NBPF11: variants seen among roughly 807,000 people sequenced by gnomAD.
NBPF11 encodes the protein NBPF member 11.
Under a neutral mutation model 93.9 loss-of-function variants are expected in NBPF11, and 72 were observed. The observed-to-expected ratio is 0.77, with a 90% CI of 0.63 to 0.93. The LOEUF is 0.93. Ranked by LOEUF, NBPF11 falls within the 40% of genes least tolerant of loss-of-function variation. The pLI is 0.00. For missense variants in NBPF11, 705 were observed against 802.2 expected (o/e 0.88, Z 1.46); for synonymous variants, 224 against 304.9 (o/e 0.73, Z 2.76).
At chr1:148,144,436 G>GTTCA (rs1378070242) in intron 1 of NBPF11, among the ~76,000 whole-genome samples, 50 of 151,490 alleles carry the variant, frequency 3.3e-4, no homozygotes, top group Non-Finnish European at 7.1e-4. Flanking sequence ...GTATTAGTAT[G>GTTCA]TTCATTCATT....
intron 18 of NBPF11, among the ~76,000 whole-genome samples, chr1:148,108,157 T>C (rs1233435880): frequency 6.7e-6 from 1 of 148,900 alleles, no homozygotes; most frequent in Non-Finnish European, 1.5e-5. Flanking sequence ...GAAAGTAGAG[T>C]GAAGGATGAA....
At position 148,133,587 on chromosome 1, in the gene NBPF11, C is replaced by A. The variant is rs2746836; in HGVS notation, c.-36+2085G>T. 1.7e-4 allele frequency among the ~76,000 whole-genome samples: 26 copies of A among 152,098 alleles called. No individual in the cohort carries two copies. In the East Asian group the frequency reaches 4.8e-3, roughly 28 times the overall value. On this transcript the variant is annotated intron_variant, in intron 4 of 23. Coordinates refer to ENST00000682118, the MANE Select transcript of NBPF11 (RefSeq NM_001385469.3). ...CAAATGCTTTTACTGTGTATGACCA[C>A]GTAATCATACGAGTTTTCTCTTTTG...
chr1:148,108,369 T>A (rs1553267738), intron 18 of NBPF11, 113 bp downstream of exon 18: 1 of 743,380 alleles, frequency 1.3e-6, no homozygotes, highest in African/African-American at 1.7e-5. Flanking sequence ...TGCCTATAGG[T>A]CCTCCCTGTG....
chr1:148,147,604 C>T (rs1216706320), intron 1 of NBPF11, among the ~76,000 whole-genome samples: 5 of 152,030 alleles, frequency 3.3e-5, no homozygotes, highest in East Asian at 1.9e-4. Context: ...GGGCCTGTCT[C>T]GTCCTGGCCC....
At chr1:148,122,826 G>C (rs1668186472) in intron 7 of NBPF11, 25 bp from the exon 8 acceptor site, 2 of 1,609,266 alleles carry the variant, frequency 1.2e-6, no homozygotes, top group South Asian at 1.1e-5. Flanking sequence ...TGTTCGTTCA[G>C]ATATTTCCCA....
Position 148,103,687 on chromosome 1 carries a change from T to A in NBPF11, c.*209A>T. ...GGGCTGCTTATTGTGGGAATATGACTCCCATCTGGAAGACCAGGTGGAGAC... is the reference window on the plus strand; with the variant it reads ...GGGCTGCTTATTGTGGGAATATGACACCCATCTGGAAGACCAGGTGGAGAC... On this transcript the variant is annotated 3_prime_UTR_variant, in exon 24 of 24. Transcript: ENST00000682118. 2 of 1,611,228 alleles carry A rather than the reference T, an allele frequency of 1.2e-6. No homozygotes were observed.
intron 2 of NBPF11, 120 bp downstream of exon 2, chr1:148,143,291 CTGTT>C (rs1425107382): frequency 3.8e-6 from 2 of 531,260 alleles, no homozygotes; most frequent in African/African-American, 2.1e-5. Flanking sequence ...TATTTAATAT[CTGTT>C]TGATGCCAGG....
intron 10 of NBPF11, among the ~76,000 whole-genome samples, chr1:148,119,112 G>A (rs12116739): frequency 2.4e-4 from 34 of 142,700 alleles, no homozygotes; most frequent in African/African-American, 9.4e-4. Context: ...AGGCCCCTAG[G>A]ACTATGGGAC....
intron 12 of NBPF11, among the ~76,000 whole-genome samples, chr1:148,116,777 A>C (rs1427930423): frequency 1.3e-5 from 2 of 149,680 alleles, no homozygotes; most frequent in East Asian, 4.1e-4. Flanking sequence ...TTTGCTTCCC[A>C]TATCACTGGA....
At chr1:148,116,658 A>C (rs1393817340) in intron 12 of NBPF11, 123 bp from the exon 13 acceptor site, 6 of 591,296 alleles carry the variant, frequency 1.0e-5, no homozygotes, top group Non-Finnish European at 1.8e-5. Context: ...GAAAACTCTC[A>C]TGTTTTATCT....
intron 1 of NBPF11, among the ~76,000 whole-genome samples, chr1:148,148,278 C>A (rs1456765362): frequency 1.3e-5 from 2 of 151,618 alleles, no homozygotes; most frequent in Non-Finnish European, 1.5e-5. Flanking sequence ...GCAGAGGGGA[C>A]GCACACCTGC....
chr1:148,124,377 G>GAC (rs1192263403), intron 6 of NBPF11, among the ~76,000 whole-genome samples: 1 of 150,232 alleles, frequency 6.7e-6, no homozygotes, highest in Non-Finnish European at 1.5e-5. Context: ...TCTGGCCATG[G>GAC]ACATTTCCAT....
chr1:148,138,565 C>G (rs1388596976), intron 2 of NBPF11, among the ~76,000 whole-genome samples: 1 of 151,736 alleles, frequency 6.6e-6, no homozygotes, highest in East Asian at 1.9e-4. Flanking sequence ...TGACTCTTAA[C>G]AAGCATGCTG....
intron 10 of NBPF11, among the ~76,000 whole-genome samples, chr1:148,119,918 G>A (rs1667440367): frequency 6.6e-6 from 1 of 152,078 alleles, no homozygotes; most frequent in Non-Finnish European, 1.5e-5. Flanking sequence ...CCTCCCAAAG[G>A]GCTGGGATTA....
chr1:148,120,595 C>G lies in NBPF11; in HGVS notation c.894G>C (p.Gln298His). 1.3e-6 allele frequency: 2 copies of G among 1,491,036 alleles called. No individual in the cohort carries two copies. Among genetic ancestry groups the G allele is most frequent in the Admixed American group, 1.7e-5 (1 of 59,812 alleles). 92.4% of individuals were successfully genotyped at this position (1,491,036 alleles called of 1,614,324 possible). The change falls in exon 10 of 24, where the codon CAG (glutamine) becomes CAC (histidine). Residue 298 changes from glutamine (Q) to histidine (H), a missense_variant. Physicochemically the swap from Gln to His is conservative, Grantham distance 24. This residue lies in a region of NBPF11 where 262 missense variants were observed against 223.1 expected (regional missense o/e 1.17). Coordinates refer to ENST00000682118, the MANE Select transcript of NBPF11 (RefSeq NM_001385469.3). Reference sequence around the variant, plus strand: ...TGAACTGCTGTTTCTTCTCTGCCAGCTGGGGGCACAATTTCTCATTGATTT... The same window carrying G: ...TGAACTGCTGTTTCTTCTCTGCCAGGTGGGGGCACAATTTCTCATTGATTT... ...ILEINEKLCP[Q>H]LAEKKQQFRS...
intron 14 of NBPF11, among the ~76,000 whole-genome samples, chr1:148,115,522 T>A (rs4098216): frequency 6.6e-6 from 1 of 151,516 alleles, no homozygotes; most frequent in African/African-American, 2.4e-5. Flanking sequence ...TGAATCGAAG[T>A]TAGGAGGCCT....
intron 5 of NBPF11, among the ~76,000 whole-genome samples, chr1:148,126,150 G>T (rs1472917507): frequency 3.3e-5 from 5 of 151,624 alleles, no homozygotes; most frequent in East Asian, 1.9e-4. Flanking sequence ...ACAGTTGCCC[G>T]CCACGACGCC....
chr1:148,129,681 A>T (rs1270258715), intron 4 of NBPF11: 3 of 179,288 alleles, frequency 1.7e-5, no homozygotes, highest in African/African-American at 7.2e-5. Context: ...CTGGGGGGCC[A>T]GAAATATACT....
chr1:148,138,386 A>C (rs1671677361), intron 2 of NBPF11, among the ~76,000 whole-genome samples: 1 of 151,436 alleles, frequency 6.6e-6, no homozygotes, highest in Admixed American at 6.6e-5. Context: ...CAGACCCTTT[A>C]CGGGTGTCGG....
Sources: allele counts gnomAD v4.1 joint callset (sites outside exome capture counted in the v4.1 genomes callset), GRCh38; gene constraint gnomAD v4.1.1; regional missense constraint gnomAD v4.1.1; transcripts MANE v1.5; gene names NCBI Gene and HGNC (gene_info 2026-07-23, HGNC 2026-07-21).